The following C3 variants were observed in gnomAD, a reference collection of about 807,000 sequenced individuals.
C3 encodes the protein C3 and PZP-like alpha-2-macroglobulin domain-containing protein 1.
In C3, 97 loss-of-function variants were observed where a neutral mutation model predicts 207.9. The ratio of observed to expected loss-of-function variants is 0.47; its 90% CI spans 0.40 to 0.55. The LOEUF (loss-of-function observed/expected upper bound fraction) is 0.55, where lower values mean the gene tolerates loss of function less well. C3 is among the 20% of genes least tolerant of loss of function. C3 has a pLI of 0.00. For synonymous variants in C3, 848 were observed against 857.6 expected (o/e 0.99, Z 0.20); for missense variants, 1,684 against 2,171.7 (o/e 0.78, Z 4.46).
intron 13 of C3, 53 bp from the exon 14 acceptor site, chr19:6,709,895 C>A: frequency 6.3e-7 from 1 of 1,580,144 alleles, no homozygotes; most frequent in Non-Finnish European, 8.6e-7. Context: ...GAGAGGAGTG[C>A]CTGGGATGGA....
chr19:6,699,881 T>C (rs979397619), intron 19 of C3, among the ~76,000 whole-genome samples: 1 of 151,058 alleles, frequency 6.6e-6, no homozygotes, highest in African/African-American at 2.4e-5. Flanking sequence ...TATATTTAAA[T>C]TAAATAGAAT....
Position 6,707,779 on chromosome 19 carries a change from G to A in C3, c.1975+21C>T, listed in dbSNP as rs374863319. On this transcript the variant is annotated intron_variant, in intron 15 of 40. Transcript: ENST00000245907. ...TGGAGGTGCTGTCTGTCCCTGCACC[G>A]GCCCCTGGTGGCGACCTCACCTGCC... The A allele has an allele frequency of 8.7e-6, 14 of 1,612,180 alleles. No individual in the cohort carries two copies. The East Asian group carries it at 1.3e-4, about 15-fold the overall frequency.
rs781280055 is a variant in C3, at chr19:6,702,138, G to A, written c.2429C>T (p.Ser810Leu). Reference sequence around the variant, plus strand: ...GCATCCTCTCTCACCTTTCTTGTCCGACATGCTCACAGCCAGAATCTCCCA... The same window carrying A: ...GCATCCTCTCTCACCTTTCTTGTCCAACATGCTCACAGCCAGAATCTCCCA... The part of the protein sequence containing the change: ...TTWEILAVSM[S>L]DKKGICVADP... Residue 810 changes from serine (S) to leucine (L), a missense_variant, in exon 19 of 41, where the codon TCG becomes TTG. Physicochemically the swap from Ser to Leu is moderately radical, Grantham distance 145. Coordinates refer to ENST00000245907, the MANE Select transcript of C3 (RefSeq NM_000064.4). 6.3e-7 allele frequency: 1 copy of A among 1,591,046 alleles called. No homozygotes were observed. The highest frequency in any genetic ancestry group is 1.1e-5 in the South Asian group (1 of 90,568).
chr19:6,683,812 A>T (rs1427341244), intron 33 of C3, among the ~76,000 whole-genome samples: 1 of 152,262 alleles, frequency 6.6e-6, no homozygotes, highest in African/African-American at 2.4e-5. Context: ...AGAAACATTT[A>T]GGCTGGGCAT....
rs752865164 is a variant in C3 at position 6,709,677 on chromosome 19, C to T, written c.1845+7G>A. 2.9e-5 allele frequency: 47 copies of T among 1,594,442 alleles called. No homozygotes were observed. Among genetic ancestry groups the T allele is most frequent in the South Asian group, 6.6e-5 (6 of 90,868 alleles). ...CTTCTCAGCAGCCTTGGGTCACTGG[C>T]CCTTACCTTACTCTGCGTCAGTTTG... On this transcript the variant is annotated splice_region_variant and intron_variant, in intron 14 of 40. Transcript: ENST00000245907.
intron 4 of C3, 128 bp from the exon 5 acceptor site, chr19:6,714,574 G>A: frequency 1.3e-6 from 1 of 743,788 alleles, no homozygotes; most frequent in Non-Finnish European, 2.4e-6. Context: ...TTAAGAACAG[G>A]GACCCAGGTG....
chr19:6,717,588 T>G, intron 4 of C3: 1 of 252,690 alleles, frequency 4.0e-6, no homozygotes. Flanking sequence ...GTGTTGTGTG[T>G]GTTGTGTGTT....
intron 27 of C3, among the ~76,000 whole-genome samples, chr19:6,689,477 G>C (rs1231098701): frequency 6.6e-6 from 1 of 151,702 alleles, no homozygotes. Flanking sequence ...TTTCCTAAGG[G>C]GGGAGAAGCC....
At chr19:6,706,626 C>T (rs963654189) in intron 17 of C3, among the ~76,000 whole-genome samples, 4 of 151,244 alleles carry the variant, frequency 2.6e-5, no homozygotes, top group Non-Finnish European at 5.9e-5. Context: ...CAGACAGCGG[C>T]ATCCTCCCCC....
At chr19:6,695,107 C>T (rs1331680829) in intron 23 of C3, among the ~76,000 whole-genome samples, 1 of 151,808 alleles carries the variant, frequency 6.6e-6, no homozygotes, top group Non-Finnish European at 1.5e-5. Context: ...ACCGTCTCTA[C>T]TAAAAATACA....
At chr19:6,717,670 G>C (rs1373220622) in intron 4 of C3, 1 of 337,754 alleles carries the variant, frequency 3.0e-6, no homozygotes, top group Admixed American at 4.2e-5. Flanking sequence ...TATGTATGTT[G>C]TGTTGTGTTG....
rs192942944 is a variant in C3, at chr19:6,702,452, G to C, written c.2354+19C>G. 1.3e-6 allele frequency: 2 copies of C among 1,534,794 alleles called. No individual in the cohort carries two copies. Among genetic ancestry groups the C allele is most frequent in the African/African-American group, 2.7e-5 (2 of 73,296 alleles). The stretch of plus-strand genomic sequence containing the variant: ...GTCTGACTCTGGGGTGGGTTGTACC[G>C]GGGGTACCCCGGCCTTACCCATTTT... On this transcript the variant is annotated intron_variant, in intron 18 of 40. Transcript: ENST00000245907.
chr19:6,679,749 G>A (rs1034018995), intron 36 of C3, among the ~76,000 whole-genome samples: 2 of 151,254 alleles, frequency 1.3e-5, no homozygotes, highest in African/African-American at 2.4e-5. Context: ...CCTGGGACAC[G>A]CAGGCCTCCA....
intron 19 of C3, among the ~76,000 whole-genome samples, chr19:6,699,466 G>A (rs956189489): frequency 3.9e-5 from 6 of 152,168 alleles, no homozygotes; most frequent in South Asian, 4.1e-4. Flanking sequence ...CGCTGGGCGC[G>A]GTGGCTCACG....
In C3 at chr19:6,718,431, T is replaced by C; in HGVS notation, c.268-19A>G. On this transcript the variant is annotated intron_variant, in intron 2 of 40. Transcript: ENST00000245907. ...CTGGGATCTAGGCGTGGGCAGGGCATTGTCAGGGGTCTGTTCCAAGGCCCC... is the reference window on the plus strand; with the variant it reads ...CTGGGATCTAGGCGTGGGCAGGGCACTGTCAGGGGTCTGTTCCAAGGCCCC... The C allele has an allele frequency of 6.2e-7, 1 of 1,614,180 alleles. No homozygotes were observed. The highest frequency in any genetic ancestry group is 8.5e-7 in the Non-Finnish European group (1 of 1,180,010).
Position 6,700,694 on chromosome 19 carries a change from A to G in C3, c.2440+1433T>C, listed in dbSNP as rs865908542. Among the ~76,000 whole-genome samples the G allele has an allele frequency of 0.012, 203 of 16,296 alleles. 27 individuals carry two copies. In the East Asian group the frequency reaches 0.31, roughly 25 times the overall value. The allele number at this position is 16,296 out of a possible 152,430, so 10.7% of individuals were successfully genotyped here. A position where few individuals can be genotyped will look rare whatever the true frequency, so the allele number is the denominator to read the frequency against. ...ATATGTAATATATAATATATGATAT[A>G]TTATATATGTAATATGTGGTATGTT... On this transcript the variant is annotated intron_variant, in intron 19 of 40. Transcript: ENST00000245907.
At position 6,707,628 on chromosome 19, in the gene C3, T is replaced by C; in HGVS notation, c.1976-91A>G. On this transcript the variant is annotated intron_variant, in intron 15 of 40. Transcript: ENST00000245907. ...TCACGATCGTGTGAGGTGGGGGTGT[T>C]CCTGCTCCCATTTGATGGAAGAGCA... The C allele has an allele frequency of 4.6e-6, 7 of 1,536,116 alleles. No homozygotes were observed. The South Asian group carries it at 7.8e-5, about 17-fold the overall frequency.
intron 4 of C3, chr19:6,717,856 T>TTG (rs1467082379): frequency 8.1e-6 from 5 of 617,536 alleles, no homozygotes; most frequent in Non-Finnish European, 1.5e-5. Flanking sequence ...TGTGTGTGCA[T>TTG]TGTGTGTGCA....
At chr19:6,705,481 T>C (rs1486625247) in intron 17 of C3, among the ~76,000 whole-genome samples, 1 of 151,476 alleles carries the variant, frequency 6.6e-6, no homozygotes, top group Non-Finnish European at 1.5e-5. Flanking sequence ...TAGCTGGGAC[T>C]ACAGGTGTGC....
Sources: allele counts gnomAD v4.1 joint callset (sites outside exome capture counted in the v4.1 genomes callset), GRCh38; gene constraint gnomAD v4.1.1; transcripts MANE v1.5; gene names NCBI Gene and HGNC (gene_info 2026-07-23, HGNC 2026-07-21).